The following ATG7 variants were observed in gnomAD, a reference collection of about 807,000 sequenced individuals.
The protein encoded by ATG7 is autophagy related 7.
ATG7 carries 70 observed loss-of-function variants against 82.4 expected under a neutral mutation model. That is an observed-to-expected ratio of 0.85 (90% CI 0.70 to 1.04). The LOEUF is 1.04. ATG7 is among the 50% of genes least tolerant of loss of function. The pLI is 0.00. For synonymous variants in ATG7, 287 were observed against 313.0 expected, an observed-to-expected ratio of 0.92 and a Z score of 0.88; for missense variants, 792 against 864.3, an observed-to-expected ratio of 0.92 and a Z score of 1.05.
intron 20 of ATG7, among the ~76,000 whole-genome samples, chr3:11,504,557 G>C (rs945032601): frequency 2.0e-5 from 3 of 152,246 alleles, no homozygotes; most frequent in East Asian, 3.9e-4. Flanking sequence ...AGGATGACTA[G>C]AACAGACTGG....
chr3:11,554,497 C>A (rs918080356), intron 20 of ATG7, among the ~76,000 whole-genome samples: 1 of 152,162 alleles, frequency 6.6e-6, no homozygotes, highest in East Asian at 1.9e-4. Context: ...GCTGCAGAAG[C>A]CAGGATGAGC....
chr3:11,511,669 CG>C (rs2092066072), intron 20 of ATG7, among the ~76,000 whole-genome samples: 1 of 152,138 alleles, frequency 6.6e-6, no homozygotes, highest in East Asian at 1.9e-4. Context: ...GGGGAGGCTC[CG>C]GCCGCACAGG....
In ATG7 at chr3:11,459,690, C is replaced by G. The variant is rs147622822; in HGVS notation, c.2079+32764C>G. ...GAAAAGGAAATATACTGGCACAATT[C>G]TACCTCAGGCCTGTTCTGATAGCCT... is the stretch of plus-strand genomic sequence containing the variant. On this transcript the variant is annotated intron_variant, in intron 20 of 20. Transcript: ENST00000693202. 1.4e-4 allele frequency among the ~76,000 whole-genome samples: 21 copies of G among 152,242 alleles called. No homozygotes were observed. The East Asian group carries it at 3.9e-3, about 28-fold the overall frequency.
intron 16 of ATG7, among the ~76,000 whole-genome samples, chr3:11,361,735 T>C (rs1224937363): frequency 6.6e-6 from 1 of 152,204 alleles, no homozygotes; most frequent in Non-Finnish European, 1.5e-5. Flanking sequence ...CCCTGTCAAC[T>C]CACAGTGCAA....
At position 11,354,370 on chromosome 3, in the gene ATG7, C is replaced by T. The variant is rs567781464; in HGVS notation, c.1285-4048C>T. Among the ~76,000 whole-genome samples the T allele has an allele frequency of 3.3e-5, 5 of 152,230 alleles. No homozygotes were observed. In the South Asian group the frequency reaches 1.0e-3, roughly 32 times the overall value. ...GGCAATAAGATGTCAGATTATGAGG[C>T]CGGGCGCAATTGCTCACGCCTGTAA... On this transcript the variant is annotated intron_variant, in intron 14 of 20. Coordinates refer to ENST00000693202, the MANE Select transcript of ATG7 (RefSeq NM_001349232.2).
chr3:11,451,494 C>T (rs934243538), intron 20 of ATG7, among the ~76,000 whole-genome samples: 4 of 152,066 alleles, frequency 2.6e-5, no homozygotes, highest in African/African-American at 9.7e-5. Context: ...GCATTACTAG[C>T]CCTGTTCAGC....
Position 11,360,725 on chromosome 3 carries a change from A to G in ATG7, c.1624A>G (p.Asn542Asp), listed in dbSNP as rs1277719886. The G allele has an allele frequency of 2.5e-6, 4 of 1,614,072 alleles. No individual in the cohort carries two copies. The highest frequency in any genetic ancestry group is 3.4e-6 in the Non-Finnish European group (4 of 1,180,030). ...ADLLGSSLFA[N>D]IPGYKLGCYF... is the part of the protein sequence containing the mutation. ...CCTCCTGGGCTCATCGCTTTTTGCCAACATCCCTGGTTACAAGCTTGGCTG... is the reference window on the plus strand; with the variant it reads ...CCTCCTGGGCTCATCGCTTTTTGCCGACATCCCTGGTTACAAGCTTGGCTG... Residue 542 changes from asparagine (N) to aspartate (D), a missense_variant, in exon 16 of 21, where the codon AAC becomes GAC. Coordinates refer to ENST00000693202, the MANE Select transcript of ATG7 (RefSeq NM_001349232.2).
At chr3:11,379,311 A>G (rs1157291192) in intron 18 of ATG7, among the ~76,000 whole-genome samples, 3 of 152,208 alleles carry the variant, frequency 2.0e-5, no homozygotes, top group Non-Finnish European at 4.4e-5. Context: ...ATATACAGGT[A>G]TAATGTTCTG....
chr3:11,557,840 T>TGCAGTCCAGTTGCAA (rs1209673881), downstream of ATG7: 1 of 152,722 alleles, frequency 6.5e-6, no homozygotes, highest in African/African-American at 2.4e-5. Context: ...TGGTAGAGTC[T>TGCAGTCCAGTTGCAA]GCAGTCCAGT....
intron 20 of ATG7, among the ~76,000 whole-genome samples, chr3:11,492,969 G>A (rs937289878): frequency 6.6e-6 from 1 of 152,274 alleles, no homozygotes; most frequent in Middle Eastern, 3.2e-3. Context: ...TATCAGCTTA[G>A]TGGGCCCTTT....
At chr3:11,558,033 A>G (rs1442506417), downstream of ATG7, 3 of 157,208 alleles carry the variant, frequency 1.9e-5, no homozygotes, top group African/African-American at 7.2e-5. Context: ...TTCTGGCATA[A>G]CACATAAAGT....
At chr3:11,519,113 C>T (rs982586577) in intron 20 of ATG7, among the ~76,000 whole-genome samples, 3 of 152,112 alleles carry the variant, frequency 2.0e-5, no homozygotes, top group Admixed American at 2.0e-4. Flanking sequence ...AATCCCCTGC[C>T]CAGTGAGCTG....
In ATG7 at chr3:11,313,432, T is replaced by C; in HGVS notation, c.528+12T>C. 6.4e-7 allele frequency: 1 copy of C among 1,570,372 alleles called. No homozygotes were observed. The highest frequency in any genetic ancestry group is 8.7e-7 in the Non-Finnish European group (1 of 1,146,738). On this transcript the variant is annotated intron_variant, in intron 8 of 20. Coordinates refer to ENST00000693202, the MANE Select transcript of ATG7 (RefSeq NM_001349232.2). The stretch of plus-strand genomic sequence containing the variant: ...TTTCACTAAAACAGGTATCAACAAA[T>C]AACCAAAATGCACATAAAATTGGGT...
intron 20 of ATG7, among the ~76,000 whole-genome samples, chr3:11,523,997 ACT>A (rs1459971961): frequency 6.6e-6 from 1 of 152,146 alleles, no homozygotes; most frequent in Non-Finnish European, 1.5e-5. Flanking sequence ...AGCTGTGGGA[ACT>A]CTGTGATTTA....
intron 14 of ATG7, among the ~76,000 whole-genome samples, chr3:11,356,978 A>G (rs1434096718): frequency 2.6e-5 from 4 of 152,016 alleles, no homozygotes; most frequent in African/African-American, 9.7e-5. Flanking sequence ...TTCCTTTTGA[A>G]ATTGTTGTTC....
In ATG7 at chr3:11,431,708, G is replaced by A. The variant is rs375102135; in HGVS notation, c.2079+4782G>A. On this transcript the variant is annotated intron_variant, in intron 20 of 20. Coordinates refer to ENST00000693202, the MANE Select transcript of ATG7 (RefSeq NM_001349232.2). ...GTTTATTCATGTTGTAGCAAGGTAC[G>A]CAATTGTTTTTCATTTAAAGAAAAA... Among the ~76,000 whole-genome samples the A allele has an allele frequency of 5.9e-4, 90 of 152,260 alleles. No homozygotes were observed. The South Asian group carries it at 8.9e-3, about 15-fold the overall frequency.
chr3:11,488,653 C>T (rs1206285663), intron 20 of ATG7, among the ~76,000 whole-genome samples: 1 of 152,180 alleles, frequency 6.6e-6, no homozygotes, highest in Non-Finnish European at 1.5e-5. Context: ...GCCGTGACCT[C>T]CTCTCAAGAT....
chr3:11,554,429 C>CAAG (rs2072182620), intron 20 of ATG7, among the ~76,000 whole-genome samples: 1 of 152,156 alleles, frequency 6.6e-6, no homozygotes, highest in African/African-American at 2.4e-5. Flanking sequence ...AGGGAGCTTG[C>CAAG]CTTCCAGAGG....
At chr3:11,460,243 A>G (rs148824670) in intron 20 of ATG7, among the ~76,000 whole-genome samples, 12 of 152,318 alleles carry the variant, frequency 7.9e-5, no homozygotes, top group African/African-American at 2.9e-4. Context: ...CTCCTTTTGC[A>G]TCTTTCATTG....
Sources: allele counts gnomAD v4.1 joint callset (sites outside exome capture counted in the v4.1 genomes callset), GRCh38; gene constraint gnomAD v4.1.1; transcripts MANE v1.5; gene names NCBI Gene and HGNC (gene_info 2026-07-23, HGNC 2026-07-21).